MCF2L: variants seen among roughly 807,000 people sequenced by gnomAD.
MCF2L encodes the protein MCF.2 cell line derived transforming sequence like, also known as guanine nucleotide exchange factor DBS.
In MCF2L, 97 loss-of-function variants were observed where a neutral mutation model predicts 153.4. The observed-to-expected ratio is 0.63, with a 90% CI of 0.54 to 0.75. The LOEUF (loss-of-function observed/expected upper bound fraction) is 0.75. Among genes scored for constraint, MCF2L ranks in the 30% least tolerant of loss-of-function variants. The pLI is 0.00. For synonymous variants in MCF2L, 659 were observed against 632.2 expected (o/e 1.04, Z -0.64); for missense variants, 1,347 against 1,495.2 (o/e 0.90, Z 1.64).
chr13:113,066,692 C>T (rs1403688664), intron 8 of MCF2L, among the ~76,000 whole-genome samples: 2 of 151,976 alleles, frequency 1.3e-5, no homozygotes, highest in Non-Finnish European at 2.9e-5. Flanking sequence ...TGAGCATCCC[C>T]CTCACCCCCC....
At position 112,960,656 on chromosome 13, in the gene MCF2L, C is replaced by T. The variant is rs2081814293; in HGVS notation, c.170-54107C>T. 6.6e-6 allele frequency among the ~76,000 whole-genome samples: 1 copy of T among 152,196 alleles called. No individual in the cohort carries two copies. The highest frequency in any genetic ancestry group is 2.4e-5 in the African/African-American group (1 of 41,448). On this transcript the variant is annotated intron_variant, in intron 2 of 29. Transcript: ENST00000375608. This position sits in a 1 kb window ranked among gnomAD's most constrained non-coding sequence, Gnocchi z 4.2. ...AACCACACACATTCATGGTCTATAGCTCTGGAGGCCAGAAGTTCTAACACC... is the reference window on the plus strand; with the variant it reads ...AACCACACACATTCATGGTCTATAGTTCTGGAGGCCAGAAGTTCTAACACC...
intron 27 of MCF2L, 101 bp from the exon 28 acceptor site, chr13:113,096,270 C>G: frequency 1.1e-6 from 1 of 915,764 alleles, no homozygotes; most frequent in Non-Finnish European, 1.7e-6. Flanking sequence ...GGAGCTCCCA[C>G]CGGGGCAGGG....
chr13:113,033,650 C>A lies in MCF2L; in HGVS notation c.278+8892C>A, dbSNP rs183865557. 3.9e-3 allele frequency among the ~76,000 whole-genome samples: 594 copies of A among 152,216 alleles called. 10 individuals carry two copies. Among genetic ancestry groups the A allele is most frequent in the African/African-American group, 0.014 (569 of 41,532 alleles). On this transcript the variant is annotated intron_variant, in intron 3 of 29. Transcript: ENST00000535094. Reference sequence around the variant, plus strand: ...GGGTGATTTCCCCCCCCCACCCCAACGGAGTTGGCAGTTTCAGGGCTACCC... The same window carrying A: ...GGGTGATTTCCCCCCCCCACCCCAAAGGAGTTGGCAGTTTCAGGGCTACCC...
chr13:113,086,034 C>T, intron 20 of MCF2L, 90 bp from the exon 21 acceptor site: 1 of 1,407,034 alleles, frequency 7.1e-7, no homozygotes, highest in Non-Finnish European at 9.5e-7. Flanking sequence ...AGCAGCATCC[C>T]TACCTCGTGC....
intron 2 of MCF2L, among the ~76,000 whole-genome samples, chr13:112,937,905 A>T (rs1189930657): frequency 1.3e-5 from 2 of 152,230 alleles, no homozygotes; most frequent in African/African-American, 4.8e-5. Flanking sequence ...GGTTCAGGTG[A>T]GCTCTGATTG....
chr13:113,052,718 C>G (rs2087434705), intron 4 of MCF2L: 1 of 152,164 alleles, frequency 6.6e-6, no homozygotes, highest in Non-Finnish European at 1.5e-5. Flanking sequence ...TCACAGTGAA[C>G]AAACCTCAGC....
intron 1 of MCF2L, among the ~76,000 whole-genome samples, chr13:112,977,937 G>T (rs2082269496): frequency 6.6e-6 from 1 of 152,190 alleles, no homozygotes; most frequent in Non-Finnish European, 1.5e-5. Flanking sequence ...AGCCGGGTGT[G>T]GTGGCGGGGG....
chr13:113,065,905 G>A (rs1314542784), intron 7 of MCF2L, 141 bp from the exon 8 acceptor site: 10 of 865,616 alleles, frequency 1.2e-5, no homozygotes, highest in Non-Finnish European at 6.8e-6. Flanking sequence ...CCACAGAAGA[G>A]ACTGGGAAGA....
chr13:112,980,539 A>G (rs1249385247), intron 1 of MCF2L, among the ~76,000 whole-genome samples: 1 of 150,238 alleles, frequency 6.7e-6, no homozygotes, highest in East Asian at 2.0e-4. Flanking sequence ...AAAGGGAGGC[A>G]GCGAACACAT....
chr13:113,028,579 G>C lies in MCF2L; in HGVS notation c.278+3821G>C, dbSNP rs140612660. 0.022 allele frequency among the ~76,000 whole-genome samples: 3,331 copies of C among 152,352 alleles called. 51 individuals are homozygous for C. The highest frequency in any genetic ancestry group is 0.044 in the Middle Eastern group (13 of 294). On this transcript the variant is annotated intron_variant, in intron 3 of 29. Coordinates refer to ENST00000535094, the MANE Select transcript of MCF2L (RefSeq NM_001112732.3). The surrounding 1 kb of genome is among the most constrained non-coding windows in gnomAD (Gnocchi z 5.4). ...CCCGCTGTGGACACGCGGGCCCCAG[G>C]TTGCTCAGAGGCAGCTCCATGGATC...
intron 2 of MCF2L, 70 bp downstream of exon 2, chr13:113,014,916 C>A: frequency 7.0e-7 from 1 of 1,426,786 alleles, no homozygotes; most frequent in Non-Finnish European, 9.9e-7. Flanking sequence ...GAGCAGCCCC[C>A]GTGGCCTGGC....
intron 11 of MCF2L, 80 bp from the exon 12 acceptor site, chr13:113,075,886 C>T (rs1303186374): frequency 8.4e-7 from 1 of 1,192,336 alleles, no homozygotes; most frequent in Non-Finnish European, 1.2e-6. Context: ...GGGAGGACAC[C>T]CCGGCAGTGT....
At chr13:112,997,765 A>G (rs954119010) in intron 1 of MCF2L, among the ~76,000 whole-genome samples, 4 of 152,366 alleles carry the variant, frequency 2.6e-5, no homozygotes, top group Admixed American at 2.0e-4. Flanking sequence ...CGATGGGTCG[A>G]GTTCCTGCTG....
chr13:112,931,105 G>T (rs1296379931), intron 2 of MCF2L, among the ~76,000 whole-genome samples: 1 of 152,194 alleles, frequency 6.6e-6, no homozygotes, highest in Non-Finnish European at 1.5e-5. Flanking sequence ...TCAGAGTCCT[G>T]GCTGTGTCTT....
chr13:112,968,149 G>GGC (rs1019845190), upstream of MCF2L, among the ~76,000 whole-genome samples: 15 of 146,248 alleles, frequency 1.0e-4, 2 homozygotes, highest in Non-Finnish European at 2.0e-4. Context: ...AGGTGGGGGG[G>GGC]GGGGTCTTGC....
In MCF2L at chr13:113,012,152, C is replaced by T. The variant is rs111314062; in HGVS notation, c.80-2611C>T. ...GTGGACAGGCAGTGTGGACGGTGGA[C>T]ACTGTGATGCGGACGGTGGACAGGC... On this transcript the variant is annotated intron_variant, in intron 1 of 29. Transcript: ENST00000535094. Among the ~76,000 whole-genome samples, 268 of 96,578 alleles carry T rather than the reference C, an allele frequency of 2.8e-3. 9 individuals are homozygous for T. Among genetic ancestry groups the T allele is most frequent in the African/African-American group, 9.7e-3 (258 of 26,716 alleles). The allele number at this position is 96,578 out of a possible 152,430, so 63.4% of individuals were successfully genotyped here.
rs377056935 is a variant in MCF2L at position 113,074,952 on chromosome 13, C to T, written c.1117-46C>T. On this transcript the variant is annotated intron_variant, in intron 10 of 29. Transcript: ENST00000535094. The surrounding 1 kb of genome is among the most constrained non-coding windows in gnomAD (Gnocchi z 4.2). ...CCGTACAGCAAGGCACTGTGTGCCT[C>T]GAACAGAAAGAGGCCTGAGCTGGTC... 1.1e-5 allele frequency: 16 copies of T among 1,517,284 alleles called. No individual in the cohort carries two copies. Among genetic ancestry groups the T allele is most frequent in the African/African-American group, 6.9e-5 (5 of 72,818 alleles). The allele number at this position is 1,517,284 out of a possible 1,614,324, so 94.0% of individuals were successfully genotyped here.
At chr13:112,905,194 G>T (rs1238317004) in intron 2 of MCF2L, among the ~76,000 whole-genome samples, 1 of 152,196 alleles carries the variant, frequency 6.6e-6, no homozygotes. Flanking sequence ...CACTCTTCTG[G>T]TCGCTGCAAG....
At chr13:113,039,987 A>G (rs2086378388) in intron 3 of MCF2L, among the ~76,000 whole-genome samples, 1 of 152,218 alleles carries the variant, frequency 6.6e-6, no homozygotes, top group Non-Finnish European at 1.5e-5. Context: ...AAACAACCCA[A>G]ATGTCCATTA....
Sources: gnomAD v4.1 joint callset for allele counts (sites outside exome capture counted in the v4.1 genomes callset) on GRCh38, gnomAD v4.1.1 for gene constraint, Gnocchi (gnomAD v3.1) non-coding constraint, MANE v1.5 for transcripts, NCBI Gene and HGNC (gene_info 2026-07-23, HGNC 2026-07-21) for gene names.